FRMD4B: variants seen among roughly 807,000 people sequenced by gnomAD.
FRMD4B encodes the protein FERM domain containing 4B, also known as FERM domain-containing protein 4B.
FRMD4B carries 74 observed loss-of-function variants against 141.5 expected under a neutral mutation model. That is an observed-to-expected ratio of 0.52 (90% CI 0.43 to 0.63). The LOEUF is 0.63. FRMD4B is among the 30% of genes least tolerant of loss of function. FRMD4B has a pLI of 0.00. For missense variants in FRMD4B, 1,366 were observed against 1,253.4 expected, an observed-to-expected ratio of 1.09 and a Z score of -1.36; for synonymous variants, 506 against 467.9, an observed-to-expected ratio of 1.08 and a Z score of -1.05.
At chr3:69,444,487 T>G (rs1478149669) in intron 1 of FRMD4B, among the ~76,000 whole-genome samples, 1 of 152,140 alleles carries the variant, frequency 6.6e-6, no homozygotes, top group African/African-American at 2.4e-5. Flanking sequence ...ATAAAGTTGT[T>G]TTTTTCTTTC....
chr3:69,524,272 G>A (rs1360364042), intron 1 of FRMD4B, among the ~76,000 whole-genome samples: 2 of 152,174 alleles, frequency 1.3e-5, no homozygotes, highest in Non-Finnish European at 2.9e-5. Flanking sequence ...TTATCCTAGA[G>A]GCCCACTTGG....
rs767608068 is a variant in FRMD4B at position 69,410,726 on chromosome 3, AATATATATATATATATATATATATAT to A, written c.-1+21882_-1+21907del. On this transcript the variant is annotated intron_variant, in intron 2 of 5. Transcript: ENST00000459638. ...AAATATATAAATAAATAAATAAATA[AATATATATATATATATATATATATAT>A]ATATATATATATATATATATATTTG... Among the ~76,000 whole-genome samples, 691 of 86,304 alleles carry A rather than the reference AATATATATATATATATATATATATAT, an allele frequency of 8.0e-3. 16 individuals are homozygous for A. Among genetic ancestry groups the A allele is most frequent in the African/African-American group, 0.024 (583 of 24,222 alleles). 56.6% of individuals were successfully genotyped at this position (86,304 alleles called of 152,430 possible).
intron 1 of FRMD4B, among the ~76,000 whole-genome samples, chr3:69,341,600 G>C (rs1397867713): frequency 6.6e-6 from 1 of 152,190 alleles, no homozygotes; most frequent in Non-Finnish European, 1.5e-5. Flanking sequence ...AGGTGCTAAA[G>C]AGTTCCAGAA....
At chr3:69,538,353 T>C (rs1320007644) in intron 1 of FRMD4B, among the ~76,000 whole-genome samples, 1 of 152,222 alleles carries the variant, frequency 6.6e-6, no homozygotes, top group Non-Finnish European at 1.5e-5. Flanking sequence ...TAATTCCACT[T>C]AAAATCGGGT....
At chr3:69,520,349 A>C (rs1700836636) in intron 1 of FRMD4B, among the ~76,000 whole-genome samples, 2 of 79,570 alleles carry the variant, frequency 2.5e-5, no homozygotes, top group African/African-American at 1.4e-4. Flanking sequence ...ATATGATGGA[A>C]TATATATATG....
chr3:69,523,141 A>T (rs907426434), intron 1 of FRMD4B, among the ~76,000 whole-genome samples: 1 of 151,498 alleles, frequency 6.6e-6, no homozygotes. Context: ...AAACAACTAG[A>T]GAAAAATTAA....
intron 2 of FRMD4B, among the ~76,000 whole-genome samples, chr3:69,413,531 G>C (rs1704796273): frequency 6.6e-6 from 1 of 152,134 alleles, no homozygotes; most frequent in Admixed American, 6.5e-5. Context: ...CTCTCAGAAC[G>C]GTACCTGCCC....
At chr3:69,328,410 G>A (rs189664198) in intron 1 of FRMD4B, among the ~76,000 whole-genome samples, 1 of 152,276 alleles carries the variant, frequency 6.6e-6, no homozygotes. Flanking sequence ...GCAAATCAGT[G>A]TCCCTTTTTC....
upstream of FRMD4B, chr3:69,386,217 G>A (rs947285971): frequency 2.4e-5 from 11 of 455,208 alleles, no homozygotes; most frequent in Non-Finnish European, 4.3e-5. Flanking sequence ...GAAGCCCAGT[G>A]TCCACCCCCG....
chr3:69,212,359 CAAAA>C (rs869309749), intron 11 of FRMD4B, among the ~76,000 whole-genome samples: 1 of 25,360 alleles, frequency 3.9e-5, no homozygotes, highest in African/African-American at 1.6e-4. Context: ...AACCCCGTCT[CAAAA>C]AAAAAAAAAA....
At chr3:69,221,087 C>T (rs1258471620) in intron 9 of FRMD4B, among the ~76,000 whole-genome samples, 1 of 151,992 alleles carries the variant, frequency 6.6e-6, no homozygotes, top group Admixed American at 6.6e-5. Context: ...CTCAGCTTCT[C>T]GAGTAGCTGG....
At chr3:69,369,713 C>T (rs17005724) in intron 1 of FRMD4B, among the ~76,000 whole-genome samples, 6,105 of 151,968 alleles carry the variant, frequency 0.04, 434 homozygotes, top group African/African-American at 0.14. Flanking sequence ...TATAAAAATC[C>T]TAAGGAAGAA....
intron 5 of FRMD4B, among the ~76,000 whole-genome samples, chr3:69,251,768 A>G (rs1410081514): frequency 2.0e-5 from 3 of 152,256 alleles, no homozygotes; most frequent in Admixed American, 6.5e-5. Flanking sequence ...TCTGCCTTTC[A>G]GGCAGGAGAC....
chr3:69,403,274 G>A (rs1267001224), intron 2 of FRMD4B, among the ~76,000 whole-genome samples: 1 of 152,152 alleles, frequency 6.6e-6, no homozygotes, highest in East Asian at 1.9e-4. Context: ...TGCAGGCATT[G>A]ACTTATGGGG....
chr3:69,385,945 G>T lies in FRMD4B; in HGVS notation c.45C>A (p.Ser15Arg). 1 of 1,604,814 alleles carries T rather than the reference G, an allele frequency of 6.2e-7. No individual in the cohort carries two copies. Among genetic ancestry groups the T allele is most frequent in the Non-Finnish European group, 8.5e-7 (1 of 1,176,088 alleles). ...TCAAGTTCCATACGAAGCGGCTGCC[G>T]CTGAACAGCAGGTCCTCCACGCCAC... Reference protein sequence around the residue: ...FMCGVEDLLFSGSRFVWNLTV... With the variant: ...FMCGVEDLLFRGSRFVWNLTV... The change falls in exon 1 of 23, where the codon AGC becomes AGA. Residue 15 changes from serine (S) to arginine (R), a missense_variant. By Grantham distance (110) the Ser-to-Arg change is moderately radical. Coordinates refer to ENST00000398540, the MANE Select transcript of FRMD4B (RefSeq NM_015123.3).
At position 69,212,559 on chromosome 3, in the gene FRMD4B, A is replaced by T. The variant is rs572108657; in HGVS notation, c.876+3704T>A. Among the ~76,000 whole-genome samples, 151 of 152,226 alleles carry T rather than the reference A, an allele frequency of 9.9e-4. 1 individual carries two copies. The highest frequency in any genetic ancestry group is 3.6e-3 in the African/African-American group (148 of 41,530). ...GAATGAACAAGCAAAACTGATTATG[A>T]TCAGTGTCAAGAAGTATTTGCCAAT... On this transcript the variant is annotated intron_variant, in intron 11 of 22. Coordinates refer to ENST00000398540, the MANE Select transcript of FRMD4B (RefSeq NM_015123.3).
chr3:69,313,120 C>T (rs192112958), intron 2 of FRMD4B, among the ~76,000 whole-genome samples: 1 of 152,286 alleles, frequency 6.6e-6, no homozygotes, highest in African/African-American at 2.4e-5. Flanking sequence ...TACTACGGTT[C>T]CCAATTTACC....
chr3:69,451,371 G>C (rs776730588), intron 1 of FRMD4B, among the ~76,000 whole-genome samples: 24 of 152,314 alleles, frequency 1.6e-4, no homozygotes, highest in Admixed American at 3.9e-4. Context: ...ATAGCTGTAG[G>C]AAGTGCTGTG....
At chr3:69,371,767 AT>A (rs2107491874) in intron 1 of FRMD4B, among the ~76,000 whole-genome samples, 1 of 152,328 alleles carries the variant, frequency 6.6e-6, no homozygotes, top group African/African-American at 2.4e-5. Flanking sequence ...TGGAGTTGCC[AT>A]TTACTGACAA....
Sources: gnomAD v4.1 joint callset for allele counts (sites outside exome capture counted in the v4.1 genomes callset) on GRCh38, gnomAD v4.1.1 for gene constraint, MANE v1.5 for transcripts, NCBI Gene and HGNC (gene_info 2026-07-23, HGNC 2026-07-21) for gene names.